CDC20: variants seen among roughly 807,000 people sequenced by gnomAD.
CDC20 encodes the protein cell division cycle 20.
Under a neutral mutation model 60.0 loss-of-function variants are expected in CDC20, and 34 were observed. That is an observed-to-expected ratio of 0.57 (90% CI 0.43 to 0.75). The LOEUF (loss-of-function observed/expected upper bound fraction) is 0.75, where lower values mean the gene tolerates loss of function less well. Ranked by LOEUF, CDC20 falls within the 30% of genes least tolerant of loss-of-function variation. The probability of loss-of-function intolerance (pLI) is 0.00; values close to 1 mark genes in which losing one functional copy is unlikely to be tolerated. For synonymous variants in CDC20, 198 were observed against 243.5 expected, an observed-to-expected ratio of 0.81 and a Z score of 1.74; for missense variants, 469 against 647.3, an observed-to-expected ratio of 0.72 and a Z score of 2.99.
At position 43,360,601 on chromosome 1, in the gene CDC20, GTTT is replaced by G. The variant is rs1647168464; in HGVS notation, c.848+11_848+13del. ...CAGCTATATCCTGTCCAGGTCAGTG[GTTT>G]TTGTTGGTCTATGGTAGTCTGATAT... On this transcript the variant is annotated intron_variant, in intron 7 of 10. Coordinates refer to ENST00000310955, the MANE Select transcript of CDC20 (RefSeq NM_001255.3). The G allele has an allele frequency of 6.2e-7, 1 of 1,610,994 alleles. No individual in the cohort carries two copies. Among genetic ancestry groups the G allele is most frequent in the African/African-American group, 1.3e-5 (1 of 74,872 alleles).
At position 43,362,233 on chromosome 1, in the gene CDC20, C is replaced by G; in HGVS notation, c.1242C>G (p.Leu414=). The change falls in exon 10 of 11, where the codon CTC becomes CTG. Residue 414 remains leucine (L), a synonymous_variant. Transcript: ENST00000310955. ...TCTGGTCTCCCCATTACAAGGAGCTCATCTCAGGCCATGGCTTTGCACAGA... is the reference window on the plus strand; with the variant it reads ...TCTGGTCTCCCCATTACAAGGAGCTGATCTCAGGCCATGGCTTTGCACAGA... ...SILWSPHYKE[L]ISGHGFAQNQ... is the part of the protein sequence containing the mutation. 8 of 1,612,962 alleles carry G rather than the reference C, an allele frequency of 5.0e-6. No individual in the cohort carries two copies. Among genetic ancestry groups the G allele is most frequent in the Non-Finnish European group, 6.8e-6 (8 of 1,178,956 alleles).
intron 9 of CDC20, 68 bp downstream of exon 9, chr1:43,361,313 G>A (rs1022566971): frequency 6.9e-7 from 1 of 1,439,042 alleles, no homozygotes; most frequent in Non-Finnish European, 9.3e-7. Context: ...CACTCCAATG[G>A]CTTCACCAAC....
chr1:43,363,127 T>C lies in CDC20; in HGVS notation c.1498T>C (p.Ter500ArgextTer13). ...CAGCCTCATCCACCAAGGCATCCGCTGAAGACCAACCCATCACCTCAGTTG... is the reference window on the plus strand; with the variant it reads ...CAGCCTCATCCACCAAGGCATCCGCCGAAGACCAACCCATCACCTCAGTTG... ...KSSLIHQGIR[*>R] The change falls in exon 11 of 11, where the codon TGA (stop) becomes CGA (arginine). Residue 500 changes from the stop codon to arginine, a stop_lost. Transcript: ENST00000310955. 1 of 1,611,762 alleles carries C rather than the reference T, an allele frequency of 6.2e-7. No homozygotes were observed. The highest frequency in any genetic ancestry group is 8.5e-7 in the Non-Finnish European group (1 of 1,179,224).
intron 9 of CDC20, among the ~76,000 whole-genome samples, chr1:43,361,962 A>G (rs1647174551): frequency 6.6e-6 from 1 of 152,222 alleles, no homozygotes; most frequent in African/African-American, 2.4e-5. Flanking sequence ...CATCTATCCA[A>G]TGGATAATAC....
chr1:43,360,838 C>G lies in CDC20; in HGVS notation c.954C>G (p.Ala318=). 1 of 1,614,110 alleles carries G rather than the reference C, an allele frequency of 6.2e-7. No homozygotes were observed. The highest frequency in any genetic ancestry group is 1.3e-5 in the African/African-American group (1 of 75,032). Residue 318 remains alanine (A), a synonymous_variant, in exon 8 of 11, where the codon GCC becomes GCG. Coordinates refer to ENST00000310955, the MANE Select transcript of CDC20 (RefSeq NM_001255.3). ...HSQEVCGLRW[A]PDGRHLASGG... ...AGGAAGTGTGTGGGCTGCGCTGGGC[C>G]CCAGATGGACGACATTTGGCCAGTG...
rs755204301 is a variant in CDC20 at position 43,360,098 on chromosome 1, G to GT, written c.556+2dup. On this transcript the variant is annotated splice_donor_variant, in intron 5 of 10. Coordinates refer to ENST00000310955, the MANE Select transcript of CDC20 (RefSeq NM_001255.3). LOFTEE classifies it high-confidence loss of function. ...GCGCCTGAAATCCGAAATGACTATT[G>GT]TAAGTGCATCCTTATCCTCGCCTCA... is the stretch of plus-strand genomic sequence containing the variant. The GT allele has an allele frequency of 5.6e-6, 9 of 1,614,216 alleles. No homozygotes were observed. The highest frequency in any genetic ancestry group is 1.7e-5 in the Admixed American group (1 of 60,020).
At chr1:43,362,041 C>A (rs1364591840) in intron 9 of CDC20, among the ~76,000 whole-genome samples, 154 bp from the exon 10 acceptor site, 1 of 152,232 alleles carries the variant, frequency 6.6e-6, no homozygotes, top group Non-Finnish European at 1.5e-5. Flanking sequence ...CAGCGAGTGT[C>A]TATAATTTGC....
rs1024986508 is a variant in CDC20 at position 43,363,190 on chromosome 1, G to GT, written c.*71dup. ...CTAATAAAGTCATGTCTCCCTTCAT[G>GT]TTTTTTTTTTAAATCTGTTTCAGCT... On this transcript the variant is annotated 3_prime_UTR_variant, in exon 11 of 11. Transcript: ENST00000310955. The GT allele has an allele frequency of 8.0e-3, 10,773 of 1,338,684 alleles. No homozygotes were observed. Among genetic ancestry groups the GT allele is most frequent in the Non-Finnish European group, 9.3e-3 (9,100 of 973,462 alleles). The allele number at this position is 1,338,684 out of a possible 1,614,324, so 82.9% of individuals were successfully genotyped here. A position where few individuals can be genotyped will look rare whatever the true frequency, so the allele number is the denominator to read the frequency against.
chr1:43,362,050 G>C, intron 9 of CDC20, 145 bp from the exon 10 acceptor site: 1 of 551,490 alleles, frequency 1.8e-6, no homozygotes, highest in Non-Finnish European at 3.3e-6. Context: ...TCTATAATTT[G>C]CCTCTCAAGG....
intron 10 of CDC20, 133 bp from the exon 11 acceptor site, chr1:43,362,818 T>C (rs931825567): frequency 3.0e-6 from 2 of 666,156 alleles, no homozygotes; most frequent in Non-Finnish European, 5.2e-6. Context: ...TGAGCCAAGA[T>C]TGCGCCACTG....
In CDC20 at chr1:43,362,310, A is replaced by G. The variant is rs1647176120; in HGVS notation, c.1319A>G (p.Lys440Arg). 1.5e-6 allele frequency: 2 copies of G among 1,336,474 alleles called. No individual in the cohort carries two copies. The highest frequency in any genetic ancestry group is 3.4e-5 in the Admixed American group (2 of 59,660). 82.8% of individuals were successfully genotyped at this position (1,336,474 alleles called of 1,614,324 possible). Residue 440 changes from lysine (K) to arginine (R), a missense_variant and splice_region_variant, in exon 10 of 11, where the codon AAA becomes AGA. Physicochemically the swap from Lys to Arg is conservative, Grantham distance 26. This residue lies in a region of CDC20 where 20 missense variants were observed against 55.8 expected (regional missense o/e 0.36). Coordinates refer to ENST00000310955, the MANE Select transcript of CDC20 (RefSeq NM_001255.3). ...ACCATGGCCAAGGTGGCTGAACTCA[A>G]AGGTAAGTGGCTAGGTGAAAAGCCG... ...YPTMAKVAELKGHTSRVLSLT... is the reference protein window; with the variant it reads ...YPTMAKVAELRGHTSRVLSLT...
chr1:43,359,278 C>T lies in CDC20; in HGVS notation c.63C>T (p.Pro21=), dbSNP rs1254416481. 1.9e-6 allele frequency: 3 copies of T among 1,612,346 alleles called. No homozygotes were observed. The highest frequency in any genetic ancestry group is 2.5e-6 in the Non-Finnish European group (3 of 1,179,920). Residue 21 remains proline, a synonymous_variant, in exon 2 of 11, where the codon CCC becomes CCT. Transcript: ENST00000310955. ...TGCTTCAGCTGGATGCACCCATCCC[C>T]AATGCACCCCCTGCGCGCTGGCAGC... ...HSLLQLDAPI[P]NAPPARWQRK...
Position 43,359,818 on chromosome 1 carries a change from G to C in CDC20, c.424G>C (p.Glu142Gln), listed in dbSNP as rs146697135. 1 of 1,613,900 alleles carries C rather than the reference G, an allele frequency of 6.2e-7. No individual in the cohort carries two copies. Among genetic ancestry groups the C allele is most frequent in the Admixed American group, 1.7e-5 (1 of 60,024 alleles). ...RLSGKPQNAPEGYQNRLKVLY... is the reference protein window; with the variant it reads ...RLSGKPQNAPQGYQNRLKVLY... ...CAGTGGAAAACCACAAAATGCGCCAGAGGGTAAGACCCGAAGTTCCTGGTT... is the reference window on the plus strand; with the variant it reads ...CAGTGGAAAACCACAAAATGCGCCACAGGGTAAGACCCGAAGTTCCTGGTT... Residue 142 changes from glutamate to glutamine, a missense_variant, in exon 4 of 11, where the codon GAG becomes CAG. This residue lies in a region of CDC20 where 255 missense variants were observed against 326.7 expected (regional missense o/e 0.78). Coordinates refer to ENST00000310955, the MANE Select transcript of CDC20 (RefSeq NM_001255.3).
chr1:43,362,797 G>A (rs921833160), intron 10 of CDC20, among the ~76,000 whole-genome samples, 154 bp from the exon 11 acceptor site: 24 of 152,192 alleles, frequency 1.6e-4, no homozygotes, highest in Non-Finnish European at 5.9e-5. Flanking sequence ...CCCAGGAGGC[G>A]GAGCTTGCAG....
intron 8 of CDC20, 58 bp from the exon 9 acceptor site, chr1:43,361,062 C>A: frequency 6.2e-7 from 1 of 1,609,448 alleles, no homozygotes; most frequent in Non-Finnish European, 8.5e-7. Context: ...TAATCTGTGA[C>A]CCCTAGAGCT....
Position 43,359,533 on chromosome 1 carries a change from CG to C in CDC20, c.227del (p.Gly76ValfsTer20), listed in dbSNP as rs1647160658. On this transcript the variant is annotated frameshift_variant, in exon 3 of 11. Transcript: ENST00000310955. LOFTEE classifies it high-confidence loss of function. ...TTCAGACCACTCCTAGCAAACCTGG[CG>C]GTGACCGCTATATCCCCCATCGCAG... ...KVQTTPSKPG[G>X]DRYIPHRSAA... The C allele has an allele frequency of 6.2e-7, 1 of 1,614,002 alleles. No homozygotes were observed. Among genetic ancestry groups the C allele is most frequent in the Admixed American group, 1.7e-5 (1 of 60,002 alleles).
At chr1:43,362,589 G>A (rs1424985437) in intron 10 of CDC20, among the ~76,000 whole-genome samples, 2 of 152,162 alleles carry the variant, frequency 1.3e-5, no homozygotes, top group Admixed American at 6.5e-5. Context: ...AGGAGGCCAG[G>A]CACGGTGGCT....
In CDC20 at chr1:43,360,930, A is replaced by G. The variant is rs1647169958; in HGVS notation, c.1046A>G (p.Gln349Arg). 4 of 1,614,004 alleles carry G rather than the reference A, an allele frequency of 2.5e-6. No individual in the cohort carries two copies. The highest frequency in any genetic ancestry group is 3.4e-6 in the Non-Finnish European group (4 of 1,179,912). ...GGAGAGGGTGGCTGGGTTCCTCTGC[A>G]GACATTCACCCAGCATCAAGGGGCT... ...APGEGGWVPL[Q>R]TFTQHQGAVK... Residue 349 changes from glutamine (Q) to arginine (R), a missense_variant, in exon 8 of 11, where the codon CAG (glutamine) becomes CGG (arginine). By Grantham distance (43) the Gln-to-Arg change is conservative (BLOSUM62 1). Around this residue, in one of 5 missense-constraint regions of CDC20, gnomAD observed 255 missense variants for 326.7 expected, o/e 0.78. Transcript: ENST00000310955.
Position 43,361,223 on chromosome 1 carries a change from GTGCCGTGGA to G in CDC20, c.1186_1194del (p.Val396_Ala398del). The G allele has an allele frequency of 1.2e-6, 2 of 1,610,362 alleles. No homozygotes were observed. Among genetic ancestry groups the G allele is most frequent in the Non-Finnish European group, 1.7e-6 (2 of 1,178,150 alleles). ...AATGTGTGCTCTGGGGCCTGTCTGA[GTGCCGTGGA>G]TGCCCATTCCCAGGTAATCTTTTGC... On this transcript the variant is annotated inframe_deletion, in exon 9 of 11. Transcript: ENST00000310955.
Sources: gnomAD v4.1 joint callset for allele counts (sites outside exome capture counted in the v4.1 genomes callset) on GRCh38, gnomAD v4.1.1 for gene constraint, gnomAD v4.1.1 regional missense constraint, MANE v1.5 for transcripts, NCBI Gene and HGNC (gene_info 2026-07-23, HGNC 2026-07-21) for gene names.